The following AMY2B variants were observed in gnomAD, a reference collection of about 807,000 sequenced individuals.
The protein encoded by AMY2B is amylase alpha 2B, also known as alpha-amylase 2B.
Under a neutral mutation model 59.3 loss-of-function variants are expected in AMY2B, and 63 were observed. The ratio of observed to expected loss-of-function variants is 1.06; its 90% CI spans 0.87 to 1.31. The LOEUF (loss-of-function observed/expected upper bound fraction) is 1.31. Ranked by LOEUF, AMY2B falls within the 50% of genes most tolerant of loss-of-function variation. AMY2B has a pLI of 0.00. For synonymous variants in AMY2B, 180 were observed against 198.1 expected (o/e 0.91, Z 0.77); for missense variants, 635 against 626.7 (o/e 1.01, Z -0.14).
At chr1:103,577,466 T>G (rs1652402889) in intron 7 of AMY2B, 24 bp from the exon 8 acceptor site, 2 of 1,611,814 alleles carry the variant, frequency 1.2e-6, no homozygotes, top group South Asian at 1.1e-5. Flanking sequence ...ATGTTAAAAT[T>G]TGGCTTTTCA....
upstream of AMY2B, chr1:103,568,296 C>T (rs1479370133): frequency 6.6e-6 from 1 of 152,156 alleles, no homozygotes. Context: ...CCTTTCATAG[C>T]ATTTCACTTA....
rs748061171 is a variant in AMY2B, at chr1:103,579,515, T to C, written c.*15T>C. On this transcript the variant is annotated 3_prime_UTR_variant, in exon 10 of 10. Coordinates refer to ENST00000684275, the MANE Select transcript of AMY2B (RefSeq NM_001387437.1). ...CTAAATTATAAAATTTAAAATTAAA[T>C]GCATATCCTCAAAACAATAGCCAAG... The C allele has an allele frequency of 6.2e-7, 1 of 1,607,448 alleles. No individual in the cohort carries two copies. The highest frequency in any genetic ancestry group is 2.2e-5 in the East Asian group (1 of 44,786).
chr1:103,568,405 C>A (rs1440909361), upstream of AMY2B: 2 of 152,160 alleles, frequency 1.3e-5, no homozygotes, highest in Non-Finnish European at 2.9e-5. Context: ...CCACCACCAC[C>A]AATCCTACTA....
At chr1:103,577,400 A>C (rs1180063826) in intron 7 of AMY2B, 90 bp from the exon 8 acceptor site, 5 of 1,600,878 alleles carry the variant, frequency 3.1e-6, no homozygotes, top group Non-Finnish European at 2.6e-6. Context: ...GCAGAGACAC[A>C]AGTAACAGGA....
At chr1:103,574,498 G>A (rs1260045103) in intron 5 of AMY2B, 105 bp downstream of exon 5, 4 of 1,585,778 alleles carry the variant, frequency 2.5e-6, no homozygotes, top group East Asian at 4.5e-5. Flanking sequence ...CAACTATCAA[G>A]GAGTCAATTG....
chr1:103,574,818 C>T (rs188654913), intron 5 of AMY2B, among the ~76,000 whole-genome samples: 2 of 151,108 alleles, frequency 1.3e-5, no homozygotes, highest in African/African-American at 4.8e-5. Flanking sequence ...CTTATTTTAA[C>T]CTAGTTTGAC....
rs767077768 is a variant in AMY2B, at chr1:103,571,706, G to A, written c.104G>A (p.Arg35Gln). The A allele has an allele frequency of 3.9e-5, 63 of 1,611,822 alleles. No individual in the cohort carries two copies. The highest frequency in any genetic ancestry group is 5.0e-5 in the Non-Finnish European group (59 of 1,179,826). ...TCTATTGTTCATCTGTTTGAATGGCGATGGGTTGATATTGCTCTTGAATGT... is the reference window on the plus strand; with the variant it reads ...TCTATTGTTCATCTGTTTGAATGGCAATGGGTTGATATTGCTCTTGAATGT... ...RTSIVHLFEW[R>Q]WVDIALECER... is the part of the protein sequence containing the mutation. Residue 35 changes from arginine to glutamine, a missense_variant, in exon 1 of 10, where the codon CGA becomes CAA. By Grantham distance (43) the Arg-to-Gln change is conservative (BLOSUM62 1). Transcript: ENST00000684275.
rs771680423 is a variant in AMY2B at position 103,577,825 on chromosome 1, T to G, written c.1326T>G (p.Ile442Met). Residue 442 changes from isoleucine (I) to methionine (M), a missense_variant, in exon 9 of 10, where the codon ATT becomes ATG. Ile to Met is a conservative substitution (Grantham distance 10). Transcript: ENST00000684275. ...VAFGRGNRGFIVFNNDDWTFS... is the reference protein window; with the variant it reads ...VAFGRGNRGFMVFNNDDWTFS... Reference sequence around the variant, plus strand: ...TTGGGAGAGGAAACAGAGGATTCATTGTTTTCAACAATGATGACTGGTAAG... The same window carrying G: ...TTGGGAGAGGAAACAGAGGATTCATGGTTTTCAACAATGATGACTGGTAAG... 12 of 1,603,826 alleles carry G rather than the reference T, an allele frequency of 7.5e-6. No homozygotes were observed. In the East Asian group the frequency reaches 2.0e-4, roughly 27 times the overall value.
chr1:103,571,303 T>A (rs1159706297), upstream of AMY2B: 1 of 789,586 alleles, frequency 1.3e-6, no homozygotes, highest in African/African-American at 1.8e-5. Context: ...ACAACAAATT[T>A]TGGTTTTCTA....
chr1:103,572,512 C>G (rs564316980), intron 2 of AMY2B, among the ~76,000 whole-genome samples: 2 of 152,248 alleles, frequency 1.3e-5, no homozygotes, highest in Admixed American at 6.5e-5. Context: ...AACTTTTATA[C>G]CTATCTATAT....
At chr1:103,564,082 CAT>C (rs1181557351) in intron 1 of AMY2B, among the ~76,000 whole-genome samples, 2 of 152,076 alleles carry the variant, frequency 1.3e-5, no homozygotes, top group Admixed American at 6.6e-5. Flanking sequence ...ACAAAAATAA[CAT>C]TATCAACCAT....
chr1:103,564,375 T>C (rs1651837653), intron 1 of AMY2B, among the ~76,000 whole-genome samples: 1 of 152,138 alleles, frequency 6.6e-6, no homozygotes, highest in Non-Finnish European at 1.5e-5. Context: ...CAGCCCTGTA[T>C]CACTATCTAG....
intron 9 of AMY2B, among the ~76,000 whole-genome samples, chr1:103,578,978 A>G (rs1652470588): frequency 6.6e-6 from 1 of 152,180 alleles, no homozygotes; most frequent in Non-Finnish European, 1.5e-5. Flanking sequence ...TTTAAAAGTA[A>G]TTTGTATTAA....
At chr1:103,555,476 G>A (rs1440561358) in intron 1 of AMY2B, among the ~76,000 whole-genome samples, 2 of 151,778 alleles carry the variant, frequency 1.3e-5, no homozygotes, top group Non-Finnish European at 2.9e-5. Flanking sequence ...TGGAAATGGG[G>A]GTTTATCCCA....
At chr1:103,569,426 G>A, upstream of AMY2B, 1 of 227,386 alleles carries the variant, frequency 4.4e-6, no homozygotes, top group East Asian at 1.4e-4. Flanking sequence ...GTGTGTGTGT[G>A]TGTGTGTACA....
chr1:103,571,535 T>G, upstream of AMY2B: 1 of 1,584,736 alleles, frequency 6.3e-7, no homozygotes. Context: ...AATATTTACT[T>G]TGTAAAATGT....
At chr1:103,572,045 G>C in intron 1 of AMY2B, 65 bp from the exon 2 acceptor site, 1 of 1,604,610 alleles carries the variant, frequency 6.2e-7, no homozygotes, top group Non-Finnish European at 8.5e-7. Context: ...TTATTGATTA[G>C]TTTCTAGAAC....
chr1:103,570,223 C>T, upstream of AMY2B: 1 of 515,850 alleles, frequency 1.9e-6, no homozygotes. Flanking sequence ...GGACTTTGAG[C>T]AGTAGATGGC....
At chr1:103,574,500 A>G (rs1652266711) in intron 5 of AMY2B, 107 bp downstream of exon 5, 1 of 1,585,362 alleles carries the variant, frequency 6.3e-7, no homozygotes, top group South Asian at 1.1e-5. Context: ...ACTATCAAGG[A>G]GTCAATTGTT....
Sources: gnomAD v4.1 joint callset for allele counts (sites outside exome capture counted in the v4.1 genomes callset) on GRCh38, gnomAD v4.1.1 for gene constraint, MANE v1.5 for transcripts, NCBI Gene and HGNC (gene_info 2026-07-23, HGNC 2026-07-21) for gene names.